RBFOX2: variants seen among roughly 807,000 people sequenced by gnomAD.
RBFOX2 encodes RNA binding protein fox-1 homolog 2.
RBFOX2 carries 10 observed loss-of-function variants against 49.1 expected under a neutral mutation model. The observed-to-expected ratio is 0.20, with a 90% CI of 0.13 to 0.35. The LOEUF (loss-of-function observed/expected upper bound fraction) is 0.35, where lower values mean the gene tolerates loss of function less well. Ranked by LOEUF, RBFOX2 falls within the 10% of genes least tolerant of loss-of-function variation. The pLI is 1.00. For missense variants in RBFOX2, 323 were observed against 486.9 expected, an observed-to-expected ratio of 0.66 and a Z score of 3.17; for synonymous variants, 183 against 187.4, an observed-to-expected ratio of 0.98 and a Z score of 0.19.
At chr22:35,994,802 G>A (rs1007047415) in intron 1 of RBFOX2, 1 of 152,186 alleles carries the variant, frequency 6.6e-6, no homozygotes, top group Non-Finnish European at 1.5e-5. Flanking sequence ...AAAGTGCTGG[G>A]ATTACAGGCA....
At chr22:36,013,552 G>A (rs961200428) in intron 1 of RBFOX2, among the ~76,000 whole-genome samples, 18 of 151,720 alleles carry the variant, frequency 1.2e-4, no homozygotes, top group Non-Finnish European at 2.1e-4. Flanking sequence ...CACCACCTAA[G>A]GTTTGTCTGT....
chr22:35,902,136 C>T (rs1239689109), intron 1 of RBFOX2, among the ~76,000 whole-genome samples: 1 of 152,036 alleles, frequency 6.6e-6, no homozygotes, highest in African/African-American at 2.4e-5. Context: ...TTCCTTATTA[C>T]GTTTCAATTA....
At chr22:35,834,219 T>A (rs1021698066) in intron 1 of RBFOX2, among the ~76,000 whole-genome samples, 37 of 152,344 alleles carry the variant, frequency 2.4e-4, no homozygotes, top group Admixed American at 1.6e-3. Flanking sequence ...CTTGGGCAAG[T>A]TACTTAACCG....
intron 1 of RBFOX2, among the ~76,000 whole-genome samples, chr22:35,976,428 C>G: frequency 6.6e-6 from 1 of 152,016 alleles, no homozygotes; most frequent in Non-Finnish European, 1.5e-5. Context: ...CTTGATCCTC[C>G]AAGATCTCCA....
intron 1 of RBFOX2, among the ~76,000 whole-genome samples, chr22:35,829,240 A>C (rs1359284531): frequency 1.3e-5 from 2 of 152,218 alleles, no homozygotes; most frequent in East Asian, 1.9e-4. Context: ...GCATGCAAAG[A>C]AGCAGGAAAA....
chr22:35,976,939 G>A (rs890695315), intron 1 of RBFOX2, among the ~76,000 whole-genome samples: 3 of 150,784 alleles, frequency 2.0e-5, no homozygotes, highest in Non-Finnish European at 4.4e-5. Context: ...ACTCCAGCCT[G>A]GGCGACAGAC....
intron 1 of RBFOX2, among the ~76,000 whole-genome samples, chr22:35,881,998 A>G (rs933073154): frequency 1.3e-5 from 2 of 152,088 alleles, no homozygotes; most frequent in African/African-American, 4.8e-5. Flanking sequence ...AAAAGAAAAA[A>G]AAAAGAAATG....
At chr22:35,746,033 G>A (rs778542542) in intron 10 of RBFOX2, 38 bp from the exon 13 acceptor site, 63 of 1,545,206 alleles carry the variant, frequency 4.1e-5, no homozygotes, top group African/African-American at 8.2e-5. Flanking sequence ...ATAAAGAAAA[G>A]TGTATGATCT....
At chr22:35,990,002 T>C (rs1350417822) in intron 1 of RBFOX2, among the ~76,000 whole-genome samples, 1 of 151,982 alleles carries the variant, frequency 6.6e-6, no homozygotes, top group Non-Finnish European at 1.5e-5. Flanking sequence ...GCCAACATGG[T>C]GAAACCCCAA....
intron 1 of RBFOX2, among the ~76,000 whole-genome samples, chr22:36,020,453 G>C (rs1390650047): frequency 6.6e-6 from 1 of 152,154 alleles, no homozygotes; most frequent in Admixed American, 6.5e-5. Context: ...CCATCAGAGT[G>C]AACAGGCAAC....
intron 1 of RBFOX2, among the ~76,000 whole-genome samples, chr22:36,011,890 TTC>T (rs1405091348): frequency 2.0e-5 from 3 of 152,200 alleles, no homozygotes; most frequent in African/African-American, 4.8e-5. Context: ...TGTTGTCACA[TTC>T]TCTCTCTGAG....
intron 1 of RBFOX2, among the ~76,000 whole-genome samples, chr22:35,908,455 C>T (rs1486669604): frequency 6.6e-6 from 1 of 152,120 alleles, no homozygotes; most frequent in Non-Finnish European, 1.5e-5. Flanking sequence ...AACACAATGC[C>T]TATTTTATAA....
intron 1 of RBFOX2, among the ~76,000 whole-genome samples, chr22:36,026,904 G>C (rs567758106): frequency 1.3e-5 from 2 of 152,188 alleles, no homozygotes; most frequent in Non-Finnish European, 2.9e-5. Flanking sequence ...GTCAGGCAGA[G>C]GCTTGAAAAG....
chr22:35,826,339 T>C (rs1955718469), intron 1 of RBFOX2, among the ~76,000 whole-genome samples: 1 of 93,220 alleles, frequency 1.1e-5, no homozygotes, highest in Non-Finnish European at 2.0e-5. Flanking sequence ...CGAAACTCCA[T>C]CTCAAAAAAA....
At chr22:35,846,289 CTATA>C (rs941806928) in intron 1 of RBFOX2, among the ~76,000 whole-genome samples, 1 of 148,192 alleles carries the variant, frequency 6.7e-6, no homozygotes, top group African/African-American at 2.5e-5. Context: ...ATTACACAAA[CTATA>C]TAAGTATAAA....
chr22:35,957,264 C>T (rs2055673383), intron 1 of RBFOX2, among the ~76,000 whole-genome samples: 1 of 152,128 alleles, frequency 6.6e-6, no homozygotes. Context: ...TTACACAGTG[C>T]CTGTTCCTTA....
At chr22:35,913,361 G>C (rs2050041110) in intron 1 of RBFOX2, among the ~76,000 whole-genome samples, 1 of 151,924 alleles carries the variant, frequency 6.6e-6, no homozygotes, top group African/African-American at 2.4e-5. Context: ...GAAACAGAAA[G>C]TGTTCTCTTG....
chr22:35,788,676 T>C (rs551667129), intron 2 of RBFOX2, among the ~76,000 whole-genome samples: 40 of 152,346 alleles, frequency 2.6e-4, no homozygotes, highest in Non-Finnish European at 5.4e-4. Context: ...GATTCCCATC[T>C]CCTTGTATGT....
rs573538763 is a variant in RBFOX2, at chr22:35,816,634, C to T, written c.28-6630G>A. ...ACCTTCAGGTTGAATTCTAAGAGTT[C>T]GCTTTTCACTTGGTTGTCTGGAACT... On this transcript the variant is annotated intron_variant, in intron 1 of 11. Transcript: ENST00000405409. Among the ~76,000 whole-genome samples, 21 of 152,234 alleles carry T rather than the reference C, an allele frequency of 1.4e-4. No homozygotes were observed. In the South Asian group the frequency reaches 2.5e-3, roughly 18 times the overall value.
Sources: allele counts gnomAD v4.1 joint callset (sites outside exome capture counted in the v4.1 genomes callset), GRCh38; gene constraint gnomAD v4.1.1; transcripts MANE v1.5; gene names NCBI Gene and HGNC (gene_info 2026-07-23, HGNC 2026-07-21).